The following SYTL2 variants were observed in gnomAD, a reference collection of about 807,000 sequenced individuals.
SYTL2 encodes the protein synaptotagmin-like protein 2.
Under a neutral mutation model 198.7 loss-of-function variants are expected in SYTL2, and 165 were observed. The ratio of observed to expected loss-of-function variants is 0.83; its 90% CI spans 0.73 to 0.94. SYTL2 has a LOEUF of 0.94. SYTL2 is among the 40% of genes least tolerant of loss of function. The pLI is 0.00. For synonymous variants in SYTL2, 966 were observed against 917.7 expected (o/e 1.05, Z -0.95); for missense variants, 2,835 against 2,582.8 (o/e 1.10, Z -2.12).
At chr11:85,772,185 C>T (rs1384748977) in intron 1 of SYTL2, among the ~76,000 whole-genome samples, 1 of 152,182 alleles carries the variant, frequency 6.6e-6, no homozygotes, top group African/African-American at 2.4e-5. Context: ...CAGGCACGTG[C>T]CTGGCTGATC....
At chr11:85,741,019 G>A (rs1342978310) in intron 4 of SYTL2, among the ~76,000 whole-genome samples, 1 of 151,702 alleles carries the variant, frequency 6.6e-6, no homozygotes, top group Admixed American at 6.6e-5. Flanking sequence ...ACGTTCACCA[G>A]CCTTTCTCTC....
At chr11:85,834,198 T>C in the SYTL2 span, among the ~76,000 whole-genome samples, 1 of 152,064 alleles carries the variant, frequency 6.6e-6, no homozygotes, top group East Asian at 1.9e-4. Flanking sequence ...GAATATAAAA[T>C]AAGACAGATT....
At chr11:85,777,112 T>A (rs1308689955) in intron 1 of SYTL2, among the ~76,000 whole-genome samples, 2 of 152,228 alleles carry the variant, frequency 1.3e-5, no homozygotes, top group African/African-American at 4.8e-5. Flanking sequence ...TTTTCCTACA[T>A]ACACAAAAGA....
At chr11:85,732,926 T>G (rs747904019) in intron 7 of SYTL2, among the ~76,000 whole-genome samples, 14 of 152,204 alleles carry the variant, frequency 9.2e-5, no homozygotes, top group Non-Finnish European at 1.6e-4. Flanking sequence ...TATAAAACAT[T>G]ATGATTACTT....
chr11:85,726,610 C>T lies in SYTL2; in HGVS notation c.2748G>A (p.Val916=). 1 of 1,548,732 alleles carries T rather than the reference C, an allele frequency of 6.5e-7. No individual in the cohort carries two copies. The highest frequency in any genetic ancestry group is 8.7e-7 in the Non-Finnish European group (1 of 1,152,650). ...TTCTTCTAGAAGGCAAACTGTCTGC[C>T]ACTTGTGATCTTTTTATAGGCTCAT... ...KKNEPIKRSQ[V]ADSLPSRRNI... is the part of the protein sequence containing the mutation. The change falls in exon 8 of 20, where the codon GTG becomes GTA. Residue 916 remains valine, a synonymous_variant. Transcript: ENST00000359152.
Position 85,725,199 on chromosome 11 carries a change from C to G in SYTL2, c.4159G>C (p.Ala1387Pro), listed in dbSNP as rs773114365. Residue 1387 changes from alanine (A) to proline (P), a missense_variant, in exon 8 of 20, where the codon GCT becomes CCT. This residue lies in a region of SYTL2 where 2,645 missense variants were observed against 2,381.7 expected (regional missense o/e 1.11). Coordinates refer to ENST00000359152, the MANE Select transcript of SYTL2 (RefSeq NM_206927.4). ...TCTCCAGGACCTACTTCCCTTCCAG[C>G]TGGATAACTTAACCATACTTCTCCA... The part of the protein sequence containing the change: ...LCGEVWLSYP[A>P]GREVGPGEVN... The G allele has an allele frequency of 6.2e-7, 1 of 1,614,168 alleles. No individual in the cohort carries two copies. The highest frequency in any genetic ancestry group is 1.1e-5 in the South Asian group (1 of 91,082).
At chr11:85,719,198 C>A (rs1365274434) in intron 9 of SYTL2, 10 of 1,248,098 alleles carry the variant, frequency 8.0e-6, no homozygotes, top group African/African-American at 6.2e-5. Flanking sequence ...ATGACTAACA[C>A]CTTCCCAAAC....
At chr11:85,763,186 C>A (rs1297365274) in intron 1 of SYTL2, among the ~76,000 whole-genome samples, 1 of 152,144 alleles carries the variant, frequency 6.6e-6, no homozygotes, top group South Asian at 2.1e-4. Context: ...TACTGTGAGG[C>A]TCTGGTGAGA....
At chr11:85,838,197 T>C in the SYTL2 span, among the ~76,000 whole-genome samples, 1 of 152,110 alleles carries the variant, frequency 6.6e-6, no homozygotes, top group African/African-American at 2.4e-5. Context: ...TAAGTGATAA[T>C]GAAAAGTAAT....
intron 6 of SYTL2, among the ~76,000 whole-genome samples, chr11:85,735,610 A>G (rs2090262104): frequency 6.6e-6 from 1 of 152,156 alleles, no homozygotes; most frequent in South Asian, 2.1e-4. Context: ...TACAAAAATT[A>G]GGCGGGTGTG....
chr11:85,747,922 A>G (rs1357533907), intron 3 of SYTL2, among the ~76,000 whole-genome samples: 1 of 152,228 alleles, frequency 6.6e-6, no homozygotes, highest in Non-Finnish European at 1.5e-5. Flanking sequence ...AGAGAGGCTG[A>G]TATCTTTTTG....
At chr11:85,767,273 AGAG>A (rs1292244648) in intron 1 of SYTL2, among the ~76,000 whole-genome samples, 1 of 152,244 alleles carries the variant, frequency 6.6e-6, no homozygotes, top group African/African-American at 2.4e-5. Flanking sequence ...TAGGACATGC[AGAG>A]AAGATCTCCT....
the SYTL2 span, among the ~76,000 whole-genome samples, chr11:85,836,403 C>G: frequency 0.013 from 1,935 of 152,130 alleles, 49 homozygotes; most frequent in African/African-American, 0.043. Context: ...AGGAGATAAA[C>G]TTTGCCATGT....
Position 85,734,209 on chromosome 11 carries a change from C to G in SYTL2, c.1120G>C (p.Asp374His). ...RLKNGMEDAG[D>H]TEEFQSDPKP... is the part of the protein sequence containing the mutation. ...GGGTCACTCTGAAACTCTTCTGTGT[C>G]CCCTGCATCTTCCATTCCATTTTTC... is the stretch of plus-strand genomic sequence containing the variant. The change falls in exon 7 of 20, where the codon GAC becomes CAC. Residue 374 changes from aspartate (D) to histidine (H), a missense_variant. Asp to His is a moderately conservative substitution (Grantham distance 81, BLOSUM62 -1). Around this residue, in one of 3 missense-constraint regions of SYTL2, gnomAD observed 2,645 missense variants for 2,381.7 expected, o/e 1.11. Coordinates refer to ENST00000359152, the MANE Select transcript of SYTL2 (RefSeq NM_206927.4). 6.2e-7 allele frequency: 1 copy of G among 1,614,180 alleles called. No homozygotes were observed. The highest frequency in any genetic ancestry group is 8.5e-7 in the Non-Finnish European group (1 of 1,180,012).
the SYTL2 span, among the ~76,000 whole-genome samples, chr11:85,844,488 T>A: frequency 6.6e-6 from 1 of 152,332 alleles, no homozygotes; most frequent in African/African-American, 2.4e-5. Context: ...ATTCTCCAGA[T>A]GTGAGGTAGT....
intron 4 of SYTL2, among the ~76,000 whole-genome samples, chr11:85,743,086 T>A (rs2153514793): frequency 6.6e-6 from 1 of 152,310 alleles, no homozygotes; most frequent in African/African-American, 2.4e-5. Context: ...TTAGCAAAAC[T>A]CCAGAAACTA....
At chr11:85,819,798 A>G in the SYTL2 span, among the ~76,000 whole-genome samples, 1 of 152,206 alleles carries the variant, frequency 6.6e-6, no homozygotes, top group Non-Finnish European at 1.5e-5. Flanking sequence ...AAATCATTCC[A>G]TCTTCTACTT....
At chr11:85,773,008 A>G (rs1390385977) in intron 1 of SYTL2, among the ~76,000 whole-genome samples, 2 of 152,216 alleles carry the variant, frequency 1.3e-5, no homozygotes, top group Non-Finnish European at 2.9e-5. Flanking sequence ...CTGCCTTCAT[A>G]AGGTCAACAC....
chr11:85,764,527 G>A (rs565475586), intron 1 of SYTL2, among the ~76,000 whole-genome samples: 2 of 152,260 alleles, frequency 1.3e-5, no homozygotes, highest in East Asian at 1.9e-4. Context: ...ACTTCTCAGA[G>A]AGATCACACA....
Sources: allele counts gnomAD v4.1 joint callset (sites outside exome capture counted in the v4.1 genomes callset), GRCh38; gene constraint gnomAD v4.1.1; regional missense constraint gnomAD v4.1.1; transcripts MANE v1.5; gene names NCBI Gene and HGNC (gene_info 2026-07-23, HGNC 2026-07-21).